Variants in KCNK13 observed in about 807,000 individuals in gnomAD.
KCNK13 encodes the protein potassium channel subfamily K member 13.
A neutral mutation model predicts 23.4 loss-of-function variants in KCNK13; 12 were observed. That is an observed-to-expected ratio of 0.51 (90% CI 0.33 to 0.83). KCNK13 has a LOEUF of 0.83. KCNK13 is among the 40% of genes least tolerant of loss of function. The pLI is 0.02. For synonymous variants in KCNK13, 231 were observed against 229.5 expected, an observed-to-expected ratio of 1.01 and a Z score of -0.06; for missense variants, 463 against 556.3, an observed-to-expected ratio of 0.83 and a Z score of 1.69.
chr14:90,081,935 CAT>C (rs1889217681), intron 1 of KCNK13, among the ~76,000 whole-genome samples: 1 of 152,120 alleles, frequency 6.6e-6, no homozygotes, highest in South Asian at 2.1e-4. Flanking sequence ...GGTTGCCTCT[CAT>C]ATTTTGCCTG....
chr14:90,172,377 C>T (rs1012573157), intron 1 of KCNK13, among the ~76,000 whole-genome samples: 8 of 151,358 alleles, frequency 5.3e-5, no homozygotes, highest in African/African-American at 1.9e-4. Flanking sequence ...CCAGCTTGTA[C>T]CCTTGCCTTA....
chr14:90,114,400 C>T (rs148021999), intron 1 of KCNK13, among the ~76,000 whole-genome samples: 48 of 152,284 alleles, frequency 3.2e-4, no homozygotes, highest in Middle Eastern at 3.4e-3. Context: ...TCGTTGACAC[C>T]CGCAGAGATT....
intron 1 of KCNK13, among the ~76,000 whole-genome samples, chr14:90,182,903 T>TTTTTA (rs1194916838): frequency 6.6e-6 from 1 of 152,126 alleles, no homozygotes; most frequent in Non-Finnish European, 1.5e-5. Context: ...CTCAGTATTC[T>TTTTTA]TTTTATTTTT....
At chr14:90,175,742 G>T (rs1890415327) in intron 1 of KCNK13, among the ~76,000 whole-genome samples, 1 of 152,220 alleles carries the variant, frequency 6.6e-6, no homozygotes, top group Admixed American at 6.5e-5. Flanking sequence ...TCACAATGCT[G>T]TGAATTTCCT....
At chr14:90,090,082 C>T (rs984695779) in intron 1 of KCNK13, among the ~76,000 whole-genome samples, 2 of 152,224 alleles carry the variant, frequency 1.3e-5, no homozygotes, top group African/African-American at 4.8e-5. Context: ...TGGGGCACCA[C>T]ATAGCAGAGC....
intron 1 of KCNK13, among the ~76,000 whole-genome samples, chr14:90,110,709 C>G (rs1889606031): frequency 6.6e-6 from 1 of 151,800 alleles, no homozygotes; most frequent in African/African-American, 2.4e-5. Flanking sequence ...GGGGTACTTA[C>G]CAGATATGCA....
intron 1 of KCNK13, among the ~76,000 whole-genome samples, chr14:90,113,661 G>T (rs555685710): frequency 2.0e-5 from 3 of 152,248 alleles, no homozygotes; most frequent in African/African-American, 7.2e-5. Flanking sequence ...GGCCGGGCAC[G>T]GTGGCTCATG....
At chr14:90,104,950 T>C (rs1240669567) in intron 1 of KCNK13, among the ~76,000 whole-genome samples, 1 of 64,218 alleles carries the variant, frequency 1.6e-5, no homozygotes, top group Non-Finnish European at 2.9e-5. Context: ...CCACCATGCC[T>C]GGCTAATTTT....
intron 1 of KCNK13, among the ~76,000 whole-genome samples, chr14:90,092,022 C>T (rs1025339700): frequency 2.0e-5 from 3 of 151,058 alleles, no homozygotes; most frequent in Admixed American, 6.6e-5. Flanking sequence ...CCCAGGTTCA[C>T]GCCATTCTCC....
chr14:90,080,310 G>T (rs61996861), intron 1 of KCNK13, among the ~76,000 whole-genome samples: 16,451 of 152,042 alleles, frequency 0.11, 1,190 homozygotes, highest in Middle Eastern at 0.19. Context: ...AAAAAAATTA[G>T]CCGGGCCTGG....
At chr14:90,156,203 CAAA>C (rs58520501) in intron 1 of KCNK13, among the ~76,000 whole-genome samples, 1 of 132,066 alleles carries the variant, frequency 7.6e-6, no homozygotes, top group Non-Finnish European at 1.6e-5. Context: ...AGAGTCTGGC[CAAA>C]AAAAAAAAAA....
chr14:90,113,802 A>G (rs536133280), intron 1 of KCNK13, among the ~76,000 whole-genome samples: 1 of 152,192 alleles, frequency 6.6e-6, no homozygotes, highest in African/African-American at 2.4e-5. Flanking sequence ...GCATGGTGGC[A>G]TGTGCCTGTA....
At chr14:90,107,244 C>T (rs1489345174) in intron 1 of KCNK13, among the ~76,000 whole-genome samples, 1 of 151,986 alleles carries the variant, frequency 6.6e-6, no homozygotes, top group East Asian at 1.9e-4. Context: ...CTTCGGGAGG[C>T]CAAGGTGGGC....
Position 90,184,732 on chromosome 14 carries a change from T to C in KCNK13, c.956T>C (p.Val319Ala), listed in dbSNP as rs764202243. The C allele has an allele frequency of 9.9e-6, 16 of 1,613,984 alleles. No individual in the cohort carries two copies. Among genetic ancestry groups the C allele is most frequent in the Non-Finnish European group, 1.4e-5 (16 of 1,180,032 alleles). Reference sequence around the variant, plus strand: ...AGGAACGTGGTGATGCCAGGCAGCGTCCGGAACCGCTGCAACATCTCCATA... The same window carrying C: ...AGGAACGTGGTGATGCCAGGCAGCGCCCGGAACCGCTGCAACATCTCCATA... The part of the protein sequence containing the change: ...SRRNVVMPGS[V>A]RNRCNISIET... The change falls in exon 2 of 2, where the codon GTC becomes GCC. Residue 319 changes from valine (V) to alanine (A), a missense_variant. By Grantham distance (64) the Val-to-Ala change is moderately conservative. Coordinates refer to ENST00000282146, the MANE Select transcript of KCNK13 (RefSeq NM_022054.4). The surrounding 1 kb of genome is among the most constrained non-coding windows in gnomAD (Gnocchi z 5.6).
intron 1 of KCNK13, among the ~76,000 whole-genome samples, chr14:90,142,626 C>G (rs1890023073): frequency 6.6e-6 from 1 of 152,150 alleles, no homozygotes; most frequent in African/African-American, 2.4e-5. Flanking sequence ...CCTTGGCTGT[C>G]CAATTCTTTA....
At chr14:90,141,765 C>T (rs920517584) in intron 1 of KCNK13, among the ~76,000 whole-genome samples, 3 of 138,736 alleles carry the variant, frequency 2.2e-5, no homozygotes, top group Non-Finnish European at 3.1e-5. Context: ...GCCTTATGCC[C>T]TCTTGGGTTT....
At chr14:90,084,574 T>G (rs576483789) in intron 1 of KCNK13, among the ~76,000 whole-genome samples, 53 of 152,366 alleles carry the variant, frequency 3.5e-4, no homozygotes, top group African/African-American at 1.2e-3. Context: ...ATATGTCACC[T>G]GTGTGTCCAG....
intron 1 of KCNK13, among the ~76,000 whole-genome samples, chr14:90,182,088 C>T (rs1440959386): frequency 6.6e-6 from 1 of 152,138 alleles, no homozygotes; most frequent in African/African-American, 2.4e-5. Context: ...ATTCCCTGTC[C>T]CTCGATCCTC....
intron 1 of KCNK13, among the ~76,000 whole-genome samples, chr14:90,090,128 A>G (rs1317733298): frequency 3.9e-5 from 6 of 152,224 alleles, no homozygotes; most frequent in Non-Finnish European, 8.8e-5. Flanking sequence ...AGACCCCAGA[A>G]TGGTCAATCC....
Sources: gnomAD v4.1 joint callset for allele counts (sites outside exome capture counted in the v4.1 genomes callset) on GRCh38, gnomAD v4.1.1 for gene constraint, Gnocchi (gnomAD v3.1) non-coding constraint, MANE v1.5 for transcripts, NCBI Gene and HGNC (gene_info 2026-07-23, HGNC 2026-07-21) for gene names.